PHACTR1: variants seen among roughly 807,000 people sequenced by gnomAD.
The protein encoded by PHACTR1 is RPEL repeat containing 1.
A neutral mutation model predicts 69.2 loss-of-function variants in PHACTR1; 16 were observed. The observed-to-expected ratio is 0.23, with a 90% CI of 0.16 to 0.35. The LOEUF is 0.35. Among genes scored for constraint, PHACTR1 ranks in the 10% least tolerant of loss-of-function variants. PHACTR1 has a pLI of 1.00. For synonymous variants in PHACTR1, 312 were observed against 284.5 expected (o/e 1.10, Z -0.97); for missense variants, 510 against 734.7 (o/e 0.69, Z 3.54).
chr6:12,915,850 C>T (rs1380400769), intron 4 of PHACTR1, among the ~76,000 whole-genome samples: 4 of 152,180 alleles, frequency 2.6e-5, no homozygotes, highest in Non-Finnish European at 5.9e-5. Flanking sequence ...TGGACTTTGG[C>T]CACAGCCTCA....
intron 10 of PHACTR1, among the ~76,000 whole-genome samples, chr6:13,231,744 G>T (rs1457744915): frequency 2.0e-5 from 3 of 152,226 alleles, no homozygotes; most frequent in African/African-American, 4.8e-5. Flanking sequence ...TCAAGGGCAT[G>T]TTTATGTGAC....
At chr6:12,777,390 T>C (rs1157263983) in intron 4 of PHACTR1, among the ~76,000 whole-genome samples, 1 of 151,956 alleles carries the variant, frequency 6.6e-6, no homozygotes, top group Non-Finnish European at 1.5e-5. Flanking sequence ...ATCCTCAGCC[T>C]CCTCTCAACC....
At chr6:13,188,718 G>A (rs1561963713) in intron 7 of PHACTR1, among the ~76,000 whole-genome samples, 1 of 152,184 alleles carries the variant, frequency 6.6e-6, no homozygotes, top group Non-Finnish European at 1.5e-5. Flanking sequence ...GCCAGGTGGG[G>A]AGAAGTTCTC....
intron 4 of PHACTR1, among the ~76,000 whole-genome samples, chr6:12,930,974 C>G (rs1396069906): frequency 3.6e-5 from 5 of 139,532 alleles, no homozygotes; most frequent in African/African-American, 1.4e-4. Flanking sequence ...CTCACTTGAA[C>G]CTGGGGAAAC....
intron 4 of PHACTR1, among the ~76,000 whole-genome samples, chr6:12,886,176 A>ATATT (rs1353294250): frequency 1.3e-5 from 2 of 152,048 alleles, no homozygotes; most frequent in African/African-American, 4.8e-5. Flanking sequence ...TTATCTCAAT[A>ATATT]TATTGGCTCA....
chr6:13,253,045 A>G (rs1774701805), intron 10 of PHACTR1: 1 of 455,014 alleles, frequency 2.2e-6, no homozygotes, highest in Non-Finnish European at 4.4e-6. Context: ...CTGGAAGGAA[A>G]ATAGCTGTGG....
chr6:13,001,522 T>C (rs1429642644), intron 4 of PHACTR1, among the ~76,000 whole-genome samples: 1 of 152,194 alleles, frequency 6.6e-6, no homozygotes, highest in Non-Finnish European at 1.5e-5. Flanking sequence ...AGTTTTTTCA[T>C]TGTCCTCTCC....
intron 5 of PHACTR1, among the ~76,000 whole-genome samples, chr6:13,083,873 C>T (rs1811823633): frequency 6.6e-6 from 1 of 151,062 alleles, no homozygotes; most frequent in Non-Finnish European, 1.5e-5. Context: ...TCTAAATATA[C>T]AATCATGTCA....
intron 6 of PHACTR1, 94 bp downstream of exon 6, chr6:13,160,378 C>T: frequency 1.8e-6 from 2 of 1,092,424 alleles, no homozygotes; most frequent in Non-Finnish European, 2.8e-6. Context: ...TTCTGCATCA[C>T]CAGATATCAG....
intron 4 of PHACTR1, among the ~76,000 whole-genome samples, chr6:12,800,585 A>C (rs1470976801): frequency 6.6e-6 from 1 of 152,164 alleles, no homozygotes; most frequent in African/African-American, 2.4e-5. Context: ...ATATTGAGTT[A>C]AGAAAGTTTG....
intron 7 of PHACTR1, among the ~76,000 whole-genome samples, chr6:13,192,688 A>C (rs1361582887): frequency 6.6e-6 from 1 of 152,230 alleles, no homozygotes; most frequent in African/African-American, 2.4e-5. Flanking sequence ...TCCAACATCA[A>C]CATGAAATTG....
At chr6:12,915,636 G>A (rs904590682) in intron 4 of PHACTR1, among the ~76,000 whole-genome samples, 4 of 152,098 alleles carry the variant, frequency 2.6e-5, no homozygotes, top group East Asian at 1.9e-4. Flanking sequence ...TCACAGAGCA[G>A]GTACTAAGAG....
intron 5 of PHACTR1, among the ~76,000 whole-genome samples, chr6:13,091,012 A>C (rs1266390501): frequency 4.3e-5 from 4 of 93,756 alleles, no homozygotes; most frequent in African/African-American, 1.7e-4. Context: ...CTTTTTTTTG[A>C]GGGGCAGGGT....
chr6:12,907,912 G>A (rs1785924437), intron 4 of PHACTR1, among the ~76,000 whole-genome samples: 1 of 152,154 alleles, frequency 6.6e-6, no homozygotes, highest in African/African-American at 2.4e-5. Context: ...GATGCAGAGT[G>A]GTAGTATAAT....
intron 4 of PHACTR1, among the ~76,000 whole-genome samples, chr6:12,764,820 G>T (rs1768420440): frequency 6.6e-6 from 1 of 151,968 alleles, no homozygotes; most frequent in Non-Finnish European, 1.5e-5. Context: ...ATGTCTAGAG[G>T]TCATGGATAC....
intron 4 of PHACTR1, among the ~76,000 whole-genome samples, chr6:12,929,862 C>A (rs986464584): frequency 2.6e-5 from 4 of 152,200 alleles, no homozygotes; most frequent in African/African-American, 4.8e-5. Context: ...GCCTTCATGG[C>A]ACTTCCTGCT....
At chr6:12,780,958 T>C (rs1164872463) in intron 4 of PHACTR1, among the ~76,000 whole-genome samples, 3 of 152,106 alleles carry the variant, frequency 2.0e-5, no homozygotes, top group Non-Finnish European at 2.9e-5. Flanking sequence ...CCTCTCTCTT[T>C]CCCCTTCAGC....
At chr6:12,863,235 A>G (rs1483671122) in intron 4 of PHACTR1, among the ~76,000 whole-genome samples, 1 of 152,224 alleles carries the variant, frequency 6.6e-6, no homozygotes, top group Non-Finnish European at 1.5e-5. Context: ...TATTTCTCAC[A>G]GTTCTGAAGG....
intron 14 of PHACTR1, among the ~76,000 whole-genome samples, chr6:13,286,622 TTCCCTGACATTC>T (rs1245784094): frequency 2.0e-5 from 3 of 152,236 alleles, no homozygotes; most frequent in South Asian, 2.1e-4. Flanking sequence ...ACTTCTGTTA[TTCCCTGACATTC>T]TCCCTGACAG....
Sources: gnomAD v4.1 joint callset for allele counts (sites outside exome capture counted in the v4.1 genomes callset) on GRCh38, gnomAD v4.1.1 for gene constraint, MANE v1.5 for transcripts, NCBI Gene and HGNC (gene_info 2026-07-23, HGNC 2026-07-21) for gene names.